Variants in DNAJC6 observed in about 807,000 individuals in gnomAD.
DNAJC6 encodes the protein auxilin.
In DNAJC6, 34 loss-of-function variants were observed where a neutral mutation model predicts 110.0. The ratio of observed to expected loss-of-function variants is 0.31; its 90% CI spans 0.24 to 0.41. The LOEUF (loss-of-function observed/expected upper bound fraction) is 0.41, where lower values mean the gene tolerates loss of function less well. Among genes scored for constraint, DNAJC6 ranks in the 10% least tolerant of loss-of-function variants. DNAJC6 has a pLI of 1.00. For synonymous variants in DNAJC6, 406 were observed against 437.2 expected (o/e 0.93, Z 0.89); for missense variants, 1,031 against 1,207.8 (o/e 0.85, Z 2.17).
At chr1:65,372,360 CATTCCTTT>C (rs1645715450) in intron 4 of DNAJC6, among the ~76,000 whole-genome samples, 1 of 152,034 alleles carries the variant, frequency 6.6e-6, no homozygotes, top group Non-Finnish European at 1.5e-5. Context: ...AAATGGGGTT[CATTCCTTT>C]ATTCTTTCAC....
At chr1:65,376,131 C>T (rs1025508858) in intron 4 of DNAJC6, among the ~76,000 whole-genome samples, 6 of 151,952 alleles carry the variant, frequency 3.9e-5, no homozygotes, top group Non-Finnish European at 8.8e-5. Flanking sequence ...TGTATGTGTC[C>T]AGGCATTTAT....
chr1:65,359,879 C>T (rs1273180056), intron 1 of DNAJC6, among the ~76,000 whole-genome samples: 1 of 152,128 alleles, frequency 6.6e-6, no homozygotes, highest in African/African-American at 2.4e-5. Flanking sequence ...GAAATTTGAC[C>T]CTCATACCAG....
chr1:65,355,637 A>G (rs1008828903), intron 1 of DNAJC6, among the ~76,000 whole-genome samples: 1 of 152,224 alleles, frequency 6.6e-6, no homozygotes, highest in Admixed American at 6.5e-5. Context: ...CCTGAATATT[A>G]GTCCTGCAAA....
intron 1 of DNAJC6, among the ~76,000 whole-genome samples, chr1:65,283,861 GT>G (rs1168457932): frequency 2.0e-5 from 3 of 152,128 alleles, no homozygotes; most frequent in African/African-American, 7.2e-5. Context: ...TGGGTGTGTA[GT>G]GATACATTGA....
intron 4 of DNAJC6, among the ~76,000 whole-genome samples, chr1:65,370,045 A>T (rs561930392): frequency 1.3e-5 from 2 of 151,082 alleles, no homozygotes; most frequent in Non-Finnish European, 3.0e-5. Context: ...AGGTGTTTTT[A>T]TTTTTTTTTA....
At chr1:65,396,804 AG>A (rs370518184) in intron 13 of DNAJC6, among the ~76,000 whole-genome samples, 10 of 152,332 alleles carry the variant, frequency 6.6e-5, no homozygotes, top group African/African-American at 2.4e-4. Flanking sequence ...AGTGCCTAAA[AG>A]AATTACCGGC....
intron 1 of DNAJC6, among the ~76,000 whole-genome samples, chr1:65,265,666 A>C (rs1170601039): frequency 1.3e-5 from 2 of 152,238 alleles, no homozygotes; most frequent in Non-Finnish European, 2.9e-5. Context: ...TGGGGTTTTA[A>C]ATTCGGAGGC....
At chr1:65,335,842 A>G (rs897552308) in intron 1 of DNAJC6, among the ~76,000 whole-genome samples, 1 of 152,172 alleles carries the variant, frequency 6.6e-6, no homozygotes, top group Non-Finnish European at 1.5e-5. Flanking sequence ...CATTTGCCTT[A>G]TTTCTTAAAA....
At chr1:65,315,286 T>G (rs1321437125) in intron 1 of DNAJC6, among the ~76,000 whole-genome samples, 1 of 78,818 alleles carries the variant, frequency 1.3e-5, no homozygotes, top group Non-Finnish European at 2.1e-5. Flanking sequence ...GAGAATAATG[T>G]TTTTTTTTTT....
At chr1:65,293,542 C>G (rs974440422) in intron 1 of DNAJC6, among the ~76,000 whole-genome samples, 2 of 151,970 alleles carry the variant, frequency 1.3e-5, no homozygotes, top group African/African-American at 4.8e-5. Context: ...CAAGGCCAGC[C>G]CAGATTCAAG....
intron 1 of DNAJC6, among the ~76,000 whole-genome samples, chr1:65,351,955 G>A (rs1435177830): frequency 3.3e-5 from 5 of 151,892 alleles, no homozygotes; most frequent in Admixed American, 3.3e-4. Context: ...TAGTAGAGAC[G>A]GGGTTTCACC....
chr1:65,398,919 T>C (rs760099249), intron 14 of DNAJC6, 38 bp downstream of exon 14: 5 of 1,604,104 alleles, frequency 3.1e-6, no homozygotes, highest in Non-Finnish European at 2.6e-6. Flanking sequence ...TTTATATAAT[T>C]GCAAAAGCAT....
chr1:65,398,728 A>G, intron 13 of DNAJC6, 85 bp from the exon 14 acceptor site: 4 of 1,406,340 alleles, frequency 2.8e-6, no homozygotes, highest in Non-Finnish European at 4.0e-6. Flanking sequence ...GGCTTCAGGG[A>G]TGGAATGGCA....
At chr1:65,325,626 A>C (rs905363335) in intron 1 of DNAJC6, among the ~76,000 whole-genome samples, 2 of 152,226 alleles carry the variant, frequency 1.3e-5, no homozygotes, top group African/African-American at 4.8e-5. Flanking sequence ...AGTAGTTTCA[A>C]GTTTGATTAG....
intron 13 of DNAJC6, among the ~76,000 whole-genome samples, chr1:65,397,074 C>T (rs1174110698): frequency 6.6e-6 from 1 of 152,140 alleles, no homozygotes; most frequent in Non-Finnish European, 1.5e-5. Context: ...GTGTTTATAA[C>T]CCAGTTTAGG....
chr1:65,296,498 A>T (rs1010901270), intron 1 of DNAJC6, among the ~76,000 whole-genome samples: 3 of 151,766 alleles, frequency 2.0e-5, no homozygotes, highest in Non-Finnish European at 4.4e-5. Flanking sequence ...ACTAACCTTC[A>T]TTGGGTGCTA....
At chr1:65,406,807 G>C (rs554602234) in intron 16 of DNAJC6, among the ~76,000 whole-genome samples, 12 of 152,152 alleles carry the variant, frequency 7.9e-5, no homozygotes, top group Non-Finnish European at 1.5e-4. Context: ...GCCTATTTTG[G>C]TACATTTTAT....
At chr1:65,343,425 A>G (rs574416919) in intron 1 of DNAJC6, among the ~76,000 whole-genome samples, 38 of 152,324 alleles carry the variant, frequency 2.5e-4, no homozygotes, top group South Asian at 2.5e-3. Context: ...TGAAAATTCC[A>G]GAAATAATCC....
At chr1:65,301,959 T>C (rs931463211) in intron 1 of DNAJC6, among the ~76,000 whole-genome samples, 3 of 150,068 alleles carry the variant, frequency 2.0e-5, no homozygotes, top group Admixed American at 1.3e-4. Flanking sequence ...CAGGTGAAAG[T>C]AGGGAGGTAG....
Sources: gnomAD v4.1 joint callset for allele counts (sites outside exome capture counted in the v4.1 genomes callset) on GRCh38, gnomAD v4.1.1 for gene constraint, MANE v1.5 for transcripts, NCBI Gene and HGNC (gene_info 2026-07-23, HGNC 2026-07-21) for gene names.